The following ARMC8 variants were observed in gnomAD, a reference collection of about 807,000 sequenced individuals.
ARMC8 encodes armadillo repeat containing 8.
Under a neutral mutation model 99.3 loss-of-function variants are expected in ARMC8, and 20 were observed. That is an observed-to-expected ratio of 0.20 (90% CI 0.14 to 0.29). The LOEUF is 0.29. Ranked by LOEUF, ARMC8 falls within the 10% of genes least tolerant of loss-of-function variation. The pLI, the probability that ARMC8 is intolerant of heterozygous loss-of-function variation, is 1.00. For missense variants in ARMC8, 569 were observed against 809.5 expected (o/e 0.70, Z 3.60); for synonymous variants, 263 against 278.3 (o/e 0.95, Z 0.55).
chr3:138,235,797 T>A (rs2046300073), intron 7 of ARMC8, among the ~76,000 whole-genome samples: 1 of 140,720 alleles, frequency 7.1e-6, no homozygotes, highest in African/African-American at 2.7e-5. Context: ...GTCCTTTTAG[T>A]CTTTTTTTTT....
chr3:138,229,178 A>ATATATATATATATATATATG (rs1576686064), intron 6 of ARMC8, 168 bp downstream of exon 6: 2 of 32,088 alleles, frequency 6.2e-5, no homozygotes, highest in Non-Finnish European at 6.4e-5. Context: ...ATATATATAT[A>ATATATATATATATATATATG]TATATGTATA....
In ARMC8 at chr3:138,223,622, A is replaced by C; in HGVS notation, c.338-14A>C. 6.2e-7 allele frequency: 1 copy of C among 1,613,908 alleles called. No individual in the cohort carries two copies. On this transcript the variant is annotated splice_polypyrimidine_tract_variant and intron_variant, in intron 4 of 21. Transcript: ENST00000469044. Reference sequence around the variant, plus strand: ...GTTGAAAGGATTAGTCCTAAATCTCATTTCTGTTAATAGGACTACTGTCCC... The same window carrying C: ...GTTGAAAGGATTAGTCCTAAATCTCCTTTCTGTTAATAGGACTACTGTCCC...
chr3:138,282,391 T>G (rs921927096), intron 18 of ARMC8, among the ~76,000 whole-genome samples: 7 of 152,170 alleles, frequency 4.6e-5, no homozygotes, highest in African/African-American at 1.7e-4. Context: ...CTCATGCCTG[T>G]AATCCCAGCA....
intron 14 of ARMC8, among the ~76,000 whole-genome samples, chr3:138,266,718 C>T (rs2048316672): frequency 1.3e-5 from 2 of 152,144 alleles, no homozygotes; most frequent in Non-Finnish European, 2.9e-5. Flanking sequence ...TAGTAGCCTG[C>T]TTGATTCGTC....
At chr3:138,247,448 C>A (rs2046932148) in intron 12 of ARMC8, among the ~76,000 whole-genome samples, 1 of 152,148 alleles carries the variant, frequency 6.6e-6, no homozygotes, top group Non-Finnish European at 1.5e-5. Flanking sequence ...CCCTACTTCT[C>A]CCCCTCAAAA....
chr3:138,267,245 A>C lies in ARMC8; in HGVS notation c.1386+4A>C. 2 of 1,535,536 alleles carry C rather than the reference A, an allele frequency of 1.3e-6. No homozygotes were observed. The highest frequency in any genetic ancestry group is 1.8e-6 in the Non-Finnish European group (2 of 1,130,542). ...TGAATTTTCTCCAAGCAAAGAGGTTAGTATTGATTTTCTTTTCCTAGACTT... is the reference window on the plus strand; with the variant it reads ...TGAATTTTCTCCAAGCAAAGAGGTTCGTATTGATTTTCTTTTCCTAGACTT... On this transcript the variant is annotated splice_donor_region_variant and intron_variant, in intron 15 of 21. Coordinates refer to ENST00000469044, the MANE Select transcript of ARMC8 (RefSeq NM_001363941.2).
chr3:138,198,605 C>T (rs1261474017), intron 1 of ARMC8, among the ~76,000 whole-genome samples: 1 of 151,910 alleles, frequency 6.6e-6, no homozygotes, highest in Non-Finnish European at 1.5e-5. Context: ...CTCCGCCTCC[C>T]GGGTTCAAGT....
intron 9 of ARMC8, chr3:138,239,237 G>A: frequency 4.8e-6 from 2 of 413,778 alleles, no homozygotes; most frequent in Non-Finnish European, 8.6e-6. Context: ...GTAGGTTTTT[G>A]TTTCATTTTG....
At chr3:138,241,702 G>A in intron 10 of ARMC8, 81 bp from the exon 11 acceptor site, 4 of 1,130,316 alleles carry the variant, frequency 3.5e-6, no homozygotes, top group Non-Finnish European at 5.3e-6. Flanking sequence ...CCTGATAAAA[G>A]CTATTGAGTT....
intron 12 of ARMC8, among the ~76,000 whole-genome samples, chr3:138,256,998 C>A (rs2047441389): frequency 6.6e-6 from 1 of 152,174 alleles, no homozygotes; most frequent in Non-Finnish European, 1.5e-5. Context: ...CCTGAAGAAA[C>A]TGGACCAGTG....
Position 138,296,906 on chromosome 3 carries a change from A to C in ARMC8, c.*1014A>C, listed in dbSNP as rs1004315656. On this transcript the variant is annotated 3_prime_UTR_variant, in exon 22 of 22. Transcript: ENST00000469044. Reference sequence around the variant, plus strand: ...TATCTGGCCAGATTTAGAACCAGTCATGGAAACTTGTGCTCAAACTAAAAG... The same window carrying C: ...TATCTGGCCAGATTTAGAACCAGTCCTGGAAACTTGTGCTCAAACTAAAAG... The C allele has an allele frequency of 3.3e-5, 5 of 152,210 alleles. No individual in the cohort carries two copies. The highest frequency in any genetic ancestry group is 3.3e-4 in the Admixed American group (5 of 15,286). 9.4% of individuals were successfully genotyped at this position (152,210 alleles called of 1,614,324 possible).
intron 5 of ARMC8, among the ~76,000 whole-genome samples, chr3:138,226,888 G>T (rs2045726598): frequency 6.6e-6 from 1 of 152,186 alleles, no homozygotes; most frequent in Admixed American, 6.5e-5. Flanking sequence ...AATTATGAAA[G>T]ATTTCAATTT....
intron 6 of ARMC8, 26 bp downstream of exon 6, chr3:138,229,036 A>G (rs749595583): frequency 1.3e-6 from 2 of 1,537,030 alleles, no homozygotes; most frequent in South Asian, 2.3e-5. Flanking sequence ...AATGTTATCT[A>G]TAATGTAAAA....
At chr3:138,239,646 G>A in intron 10 of ARMC8, 118 bp downstream of exon 10, 2 of 534,574 alleles carry the variant, frequency 3.7e-6, no homozygotes, top group Non-Finnish European at 6.3e-6. Flanking sequence ...GCATGGCGTA[G>A]AATAATATTG....
intron 2 of ARMC8, among the ~76,000 whole-genome samples, chr3:138,213,058 T>TA: frequency 6.6e-6 from 1 of 152,280 alleles, no homozygotes; most frequent in Admixed American, 6.5e-5. Context: ...TGCTGGAGCC[T>TA]AGGAGTTCAA....
intron 21 of ARMC8, among the ~76,000 whole-genome samples, chr3:138,291,864 T>C (rs2050983119): frequency 6.6e-6 from 1 of 152,004 alleles, no homozygotes; most frequent in Admixed American, 6.6e-5. Flanking sequence ...ATGAAAAATA[T>C]GGAGAGGGAG....
chr3:138,228,580 G>C (rs115749863), intron 5 of ARMC8: 3 of 413,740 alleles, frequency 7.3e-6, no homozygotes, highest in Non-Finnish European at 1.4e-5. Context: ...AGTGCATAAC[G>C]TACTAGTTAC....
chr3:138,237,192 C>T (rs1452816077), intron 7 of ARMC8, 117 bp from the exon 8 acceptor site: 2 of 813,708 alleles, frequency 2.5e-6, no homozygotes, highest in Admixed American at 2.5e-5. Flanking sequence ...TTCTTTGAGG[C>T]CTGTTAGTAT....
intron 12 of ARMC8, chr3:138,246,861 T>G: frequency 7.5e-6 from 7 of 931,628 alleles, no homozygotes; most frequent in Non-Finnish European, 9.0e-6. Context: ...AGATGACAAA[T>G]AAAGAAAAAG....
Sources: gnomAD v4.1 joint callset for allele counts (sites outside exome capture counted in the v4.1 genomes callset) on GRCh38, gnomAD v4.1.1 for gene constraint, MANE v1.5 for transcripts, NCBI Gene and HGNC (gene_info 2026-07-23, HGNC 2026-07-21) for gene names.